Variants in TRIOBP observed in about 807,000 individuals in gnomAD.
The protein encoded by TRIOBP is TRIO and F-actin-binding protein.
TRIOBP carries 169 observed loss-of-function variants against 238.8 expected under a neutral mutation model. The ratio of observed to expected loss-of-function variants is 0.71; its 90% CI spans 0.62 to 0.80. TRIOBP has a LOEUF of 0.80. TRIOBP is among the 30% of genes least tolerant of loss of function. TRIOBP has a pLI of 0.00. For synonymous variants in TRIOBP, 1,150 were observed against 1,274.4 expected (o/e 0.90, Z 2.08); for missense variants, 2,838 against 3,122.6 (o/e 0.91, Z 2.17).
intron 9 of TRIOBP, among the ~76,000 whole-genome samples, chr22:37,736,894 C>T (rs561450007): frequency 1.3e-5 from 2 of 152,020 alleles, no homozygotes; most frequent in East Asian, 3.9e-4. Flanking sequence ...CCCAAAGTGC[C>T]GGGATTACAG....
intron 17 of TRIOBP, chr22:37,759,621 C>T: frequency 6.5e-7 from 1 of 1,542,680 alleles, no homozygotes; most frequent in Non-Finnish European, 8.7e-7. Flanking sequence ...GGGCTAGTGG[C>T]CCCGAGAGTC....
At chr22:37,709,608 C>G (rs182571997) in intron 3 of TRIOBP, among the ~76,000 whole-genome samples, 1 of 152,148 alleles carries the variant, frequency 6.6e-6, no homozygotes, top group Non-Finnish European at 1.5e-5. Flanking sequence ...GGAGGCGGGG[C>G]GCAGGGTGCC....
At chr22:37,738,844 C>T in intron 10 of TRIOBP, 125 bp downstream of exon 10, 1 of 966,276 alleles carries the variant, frequency 1.0e-6, no homozygotes, top group Non-Finnish European at 1.6e-6. Context: ...GCCATGGGGT[C>T]ATCTATGTGC....
chr22:37,729,490 C>T (rs755273717), intron 7 of TRIOBP, among the ~76,000 whole-genome samples: 1 of 152,142 alleles, frequency 6.6e-6, no homozygotes, highest in African/African-American at 2.4e-5. Flanking sequence ...TGTCTTTGAC[C>T]TTTTTATGAT....
rs1923185285 is a variant in TRIOBP at position 37,710,582 on chromosome 22, G to A, written c.254+16G>A. ...GGCCCAAGAGGTGGGTAGAGTCCCA[G>A]GGCCCAGGAAGGGCTTCATGGGGTG... On this transcript the variant is annotated intron_variant, in intron 4 of 23. Transcript: ENST00000644935. 2 of 1,606,130 alleles carry A rather than the reference G, an allele frequency of 1.2e-6. No homozygotes were observed. Among genetic ancestry groups the A allele is most frequent in the Non-Finnish European group, 1.7e-6 (2 of 1,178,446 alleles).
chr22:37,751,921 G>GC, intron 12 of TRIOBP, 93 bp downstream of exon 12: 1 of 796,428 alleles, frequency 1.3e-6, no homozygotes, highest in Non-Finnish European at 2.0e-6. Flanking sequence ...TGGGGCTGGT[G>GC]TGAGAACCCT....
intron 23 of TRIOBP, 115 bp downstream of exon 23, chr22:37,772,879 G>A (rs942434693): frequency 3.8e-5 from 51 of 1,327,888 alleles, no homozygotes; most frequent in African/African-American, 8.7e-5. Context: ...TCCAATTCCC[G>A]TTCTGTAAAA....
intron 6 of TRIOBP, among the ~76,000 whole-genome samples, chr22:37,722,675 C>T (rs1268364792): frequency 1.3e-5 from 2 of 152,128 alleles, no homozygotes; most frequent in African/African-American, 2.4e-5. Context: ...TGCCATGAGC[C>T]GAGATCACGC....
intron 18 of TRIOBP, among the ~76,000 whole-genome samples, chr22:37,766,384 TGCTG>T (rs1926494823): frequency 6.6e-6 from 1 of 152,244 alleles, no homozygotes. Flanking sequence ...ACAATAGAAA[TGCTG>T]GCCAATGTCA....
chr22:37,751,868 G>A (rs1392725235), intron 12 of TRIOBP, 40 bp downstream of exon 12: 1 of 1,611,790 alleles, frequency 6.2e-7, no homozygotes, highest in African/African-American at 1.3e-5. Flanking sequence ...GCTGGCTTGT[G>A]CTGCTGCTGG....
At chr22:37,746,951 C>G (rs1041745371) in intron 11 of TRIOBP, among the ~76,000 whole-genome samples, 5 of 152,184 alleles carry the variant, frequency 3.3e-5, no homozygotes, top group Non-Finnish European at 7.3e-5. Context: ...ACCCACAGCC[C>G]GGGAGGCAGT....
rs544617151 is a variant in TRIOBP at position 37,775,215 on chromosome 22, A to C, written c.*1435A>C. 1 of 152,336 alleles carries C rather than the reference A, an allele frequency of 6.6e-6. No homozygotes were observed. The highest frequency in any genetic ancestry group is 1.9e-4 in the East Asian group (1 of 5,178). The allele number at this position is 152,336 out of a possible 1,614,324, so 9.4% of individuals were successfully genotyped here. On this transcript the variant is annotated 3_prime_UTR_variant, in exon 24 of 24. Transcript: ENST00000644935. The stretch of plus-strand genomic sequence containing the variant: ...CCTGCAGGTAGAAGACTGCCTTTGG[A>C]GGCAGCTTTGAAAGATGACTCTTCC...
intron 2 of TRIOBP, among the ~76,000 whole-genome samples, chr22:37,698,941 A>G (rs1295659200): frequency 6.6e-6 from 1 of 152,080 alleles, no homozygotes; most frequent in East Asian, 1.9e-4. Context: ...TGAGGTCAGG[A>G]GTTCACCTGG....
chr22:37,755,746 C>A (rs555467841), intron 15 of TRIOBP, 87 bp downstream of exon 15: 1 of 1,115,758 alleles, frequency 9.0e-7, no homozygotes, highest in East Asian at 2.4e-5. Flanking sequence ...CTGAGGGCTG[C>A]ACCTTTCTGG....
rs201541475 is a variant in TRIOBP at position 37,774,122 on chromosome 22, T to TCA, written c.*342_*343insCA. 1 of 93,542 alleles carries TCA rather than the reference T, an allele frequency of 1.1e-5. No individual in the cohort carries two copies. Among genetic ancestry groups the TCA allele is most frequent in the Non-Finnish European group, 2.1e-5 (1 of 47,208 alleles). The allele number at this position is 93,542 out of a possible 1,614,324, so 5.8% of individuals were successfully genotyped here. On this transcript the variant is annotated 3_prime_UTR_variant, in exon 24 of 24. Coordinates refer to ENST00000644935, the MANE Select transcript of TRIOBP (RefSeq NM_001039141.3). Reference sequence around the variant, plus strand: ...CTTTTTTTCCAAAACACTTTATACTTTAAAAAAAAAAAAAAAAAGCAATTC... The same window carrying TCA: ...CTTTTTTTCCAAAACACTTTATACTTCATAAAAAAAAAAAAAAAAAGCAATTC...
At chr22:37,743,800 A>AAT (rs1555898353) in intron 11 of TRIOBP, among the ~76,000 whole-genome samples, 1 of 55,338 alleles carries the variant, frequency 1.8e-5, no homozygotes, top group Non-Finnish European at 3.7e-5. Context: ...AGAGAGAGAG[A>AAT]ATGTGTGTGT....
chr22:37,702,465 A>G (rs1922702123), intron 3 of TRIOBP, among the ~76,000 whole-genome samples: 1 of 151,864 alleles, frequency 6.6e-6, no homozygotes, highest in Non-Finnish European at 1.5e-5. Context: ...CAGCCTCCCA[A>G]AGTGTTGGGA....
At chr22:37,719,358 G>A (rs1297522856) in intron 6 of TRIOBP, among the ~76,000 whole-genome samples, 1 of 152,066 alleles carries the variant, frequency 6.6e-6, no homozygotes, top group African/African-American at 2.4e-5. Flanking sequence ...CTGGGTAGAT[G>A]GTGTGCCCTT....
At chr22:37,747,073 G>T (rs914087696) in intron 11 of TRIOBP, among the ~76,000 whole-genome samples, 1 of 152,216 alleles carries the variant, frequency 6.6e-6, no homozygotes, top group African/African-American at 2.4e-5. Context: ...TGATGGCAGG[G>T]GTTTGCCTTT....
Sources: allele counts gnomAD v4.1 joint callset (sites outside exome capture counted in the v4.1 genomes callset), GRCh38; gene constraint gnomAD v4.1.1; transcripts MANE v1.5; gene names NCBI Gene and HGNC (gene_info 2026-07-23, HGNC 2026-07-21).